Variants in HTR2A observed in about 807,000 individuals in gnomAD.
The protein encoded by HTR2A is 5-hydroxytryptamine receptor 2A, also known as 5-HT2 receptor.
Under a neutral mutation model 31.0 loss-of-function variants are expected in HTR2A, and 14 were observed. That is an observed-to-expected ratio of 0.45 (90% CI 0.30 to 0.71). HTR2A has a LOEUF of 0.71. HTR2A is among the 30% of genes least tolerant of loss of function. The pLI is 0.09. For synonymous variants in HTR2A, 209 were observed against 225.2 expected (o/e 0.93, Z 0.64); for missense variants, 442 against 573.3 (o/e 0.77, Z 2.34).
At chr13:46,842,595 T>C (rs1950607438) in intron 3 of HTR2A, among the ~76,000 whole-genome samples, 1 of 152,182 alleles carries the variant, frequency 6.6e-6, no homozygotes, top group African/African-American at 2.4e-5. Context: ...CAAGAGCCTA[T>C]AGTGTCCCTA....
chr13:46,893,786 T>C (rs1357445237), intron 2 of HTR2A, among the ~76,000 whole-genome samples: 2 of 152,204 alleles, frequency 1.3e-5, no homozygotes, highest in African/African-American at 2.4e-5. Context: ...GAGTTAGATC[T>C]GCCTGCATGT....
chr13:46,868,606 T>C (rs930266780), intron 3 of HTR2A, among the ~76,000 whole-genome samples: 1 of 152,196 alleles, frequency 6.6e-6, no homozygotes, highest in African/African-American at 2.4e-5. Flanking sequence ...AAGAACCTAC[T>C]CACGGGGGTA....
chr13:46,892,262 A>G, intron 3 of HTR2A, 128 bp downstream of exon 3: 1 of 850,694 alleles, frequency 1.2e-6, no homozygotes, highest in Admixed American at 2.0e-5. Flanking sequence ...TGATGTTGTA[A>G]CATATCTTGC....
Position 46,841,820 on chromosome 13 carries a change from A to G in HTR2A, c.614-6181T>C, listed in dbSNP as rs1279377423. ...GGGGCTTGTCAGCCGTCACTGCAAC[A>G]CTTAAGAACCCATCCACATCTCTCT... On this transcript the variant is annotated intron_variant, in intron 3 of 3. Transcript: ENST00000542664. 5.9e-5 allele frequency among the ~76,000 whole-genome samples: 9 copies of G among 152,292 alleles called. No individual in the cohort carries two copies. In the East Asian group the frequency reaches 1.2e-3, roughly 20 times the overall value.
intron 3 of HTR2A, among the ~76,000 whole-genome samples, chr13:46,842,388 T>C (rs1197416264): frequency 1.3e-5 from 2 of 152,206 alleles, no homozygotes; most frequent in Non-Finnish European, 1.5e-5. Flanking sequence ...CTCTGAAAGC[T>C]TGGAGAATGA....
chr13:46,872,925 T>C (rs1380438288), intron 3 of HTR2A, among the ~76,000 whole-genome samples: 1 of 152,126 alleles, frequency 6.6e-6, no homozygotes, highest in African/African-American at 2.4e-5. Flanking sequence ...AGTTTTGCTC[T>C]TGTTGCCCAG....
rs1389354234 is a variant in HTR2A at position 46,831,739 on chromosome 13, G to A, written c.*3098C>T. 2 of 152,234 alleles carry A rather than the reference G, an allele frequency of 1.3e-5. No homozygotes were observed. The highest frequency in any genetic ancestry group is 2.4e-5 in the African/African-American group (1 of 41,452). 9.4% of individuals were successfully genotyped at this position (152,234 alleles called of 1,614,324 possible). A position where few individuals can be genotyped will look rare whatever the true frequency, so the allele number is the denominator to read the frequency against. On this transcript the variant is annotated 3_prime_UTR_variant, in exon 4 of 4. Coordinates refer to ENST00000542664, the MANE Select transcript of HTR2A (RefSeq NM_000621.5). ...AGCACCCTTTGCTGAAAGCAGTACA[G>A]TGACTTAGTTCAATTTGGCTACGGT...
At chr13:46,880,918 A>G (rs61948336) in intron 3 of HTR2A, among the ~76,000 whole-genome samples, 5 of 152,102 alleles carry the variant, frequency 3.3e-5, no homozygotes, top group Non-Finnish European at 7.3e-5. Flanking sequence ...ACCAGTTTCC[A>G]GTGGCCATGG....
chr13:46,867,649 T>C (rs764581151), intron 3 of HTR2A, among the ~76,000 whole-genome samples: 1 of 152,236 alleles, frequency 6.6e-6, no homozygotes, highest in African/African-American at 2.4e-5. Context: ...CTGCTCATTA[T>C]GAAGATTTGG....
intron 3 of HTR2A, among the ~76,000 whole-genome samples, chr13:46,889,068 CA>C (rs1474216831): frequency 6.6e-6 from 1 of 151,962 alleles, no homozygotes; most frequent in Non-Finnish European, 1.5e-5. Context: ...AACTAAAAGA[CA>C]AAGATGGGGT....
At chr13:46,852,496 C>T (rs533068338) in intron 3 of HTR2A, among the ~76,000 whole-genome samples, 2 of 152,336 alleles carry the variant, frequency 1.3e-5, no homozygotes, top group Admixed American at 1.3e-4. Flanking sequence ...GAGTGGCATT[C>T]GCTACAAAAG....
intron 3 of HTR2A, among the ~76,000 whole-genome samples, chr13:46,869,808 G>T (rs554113257): frequency 1.6e-4 from 24 of 152,230 alleles, no homozygotes; most frequent in East Asian, 5.8e-4. Flanking sequence ...CAGACAGAAA[G>T]AGAATAAATG....
At chr13:46,861,313 A>G (rs1950776831) in intron 3 of HTR2A, among the ~76,000 whole-genome samples, 1 of 152,140 alleles carries the variant, frequency 6.6e-6, no homozygotes, top group South Asian at 2.1e-4. Flanking sequence ...CTAAAAATTC[A>G]TTGGTTAGCA....
chr13:46,836,928 T>C (rs1876471183), intron 3 of HTR2A, among the ~76,000 whole-genome samples: 1 of 152,188 alleles, frequency 6.6e-6, no homozygotes, highest in Non-Finnish European at 1.5e-5. Context: ...ATGTTTTTAG[T>C]AGTAGAGCAT....
intron 3 of HTR2A, among the ~76,000 whole-genome samples, chr13:46,859,929 G>A (rs1472035152): frequency 1.3e-5 from 2 of 152,174 alleles, no homozygotes; most frequent in South Asian, 2.1e-4. Context: ...TAAGTTCACG[G>A]CTAAAGAACA....
chr13:46,896,237 G>A lies in HTR2A; in HGVS notation c.-328-3C>T. Reference sequence around the variant, plus strand: ...GAGCGCTCGGGAAGATAAATGTCCTGGACAAAGAAGAAAAGTTTTATAACT... The same window carrying A: ...GAGCGCTCGGGAAGATAAATGTCCTAGACAAAGAAGAAAAGTTTTATAACT... On this transcript the variant is annotated splice_polypyrimidine_tract_variant and splice_region_variant and intron_variant, in intron 1 of 3. Transcript: ENST00000542664. 1 of 1,106,564 alleles carries A rather than the reference G, an allele frequency of 9.0e-7. No homozygotes were observed. The highest frequency in any genetic ancestry group is 1.1e-6 in the Non-Finnish European group (1 of 909,304). The allele number at this position is 1,106,564 out of a possible 1,614,324, so 68.5% of individuals were successfully genotyped here. A position where few individuals can be genotyped will look rare whatever the true frequency, so the allele number is the denominator to read the frequency against.
chr13:46,855,443 A>G (rs540637955), intron 3 of HTR2A, among the ~76,000 whole-genome samples: 3 of 152,164 alleles, frequency 2.0e-5, no homozygotes, highest in Admixed American at 6.5e-5. Context: ...ACATAAATCA[A>G]TCTCACTGGG....
intron 3 of HTR2A, among the ~76,000 whole-genome samples, chr13:46,838,360 C>T (rs1950574999): frequency 6.6e-6 from 1 of 152,110 alleles, no homozygotes; most frequent in African/African-American, 2.4e-5. Flanking sequence ...CACCAACATA[C>T]CTTCATGCAT....
intron 3 of HTR2A, among the ~76,000 whole-genome samples, chr13:46,868,534 A>C (rs1253525643): frequency 3.9e-5 from 6 of 152,176 alleles, no homozygotes; most frequent in Non-Finnish European, 8.8e-5. Context: ...TTTTTTCTTC[A>C]AAATTAGGGA....
Sources: gnomAD v4.1 joint callset for allele counts (sites outside exome capture counted in the v4.1 genomes callset) on GRCh38, gnomAD v4.1.1 for gene constraint, MANE v1.5 for transcripts, NCBI Gene and HGNC (gene_info 2026-07-23, HGNC 2026-07-21) for gene names.